Variants in ZBTB20 observed in about 807,000 individuals in gnomAD.
ZBTB20 encodes zinc finger and BTB domain-containing protein 20.
A neutral mutation model predicts 56.9 loss-of-function variants in ZBTB20; 9 were observed. That is an observed-to-expected ratio of 0.16 (90% CI 0.10 to 0.28). The LOEUF is 0.28. ZBTB20 is among the 10% of genes least tolerant of loss of function. The probability of loss-of-function intolerance (pLI) is 1.00; values close to 1 mark genes in which losing one functional copy is unlikely to be tolerated. For missense variants in ZBTB20, 655 were observed against 1,003.0 expected, an observed-to-expected ratio of 0.65 and a Z score of 4.69; for synonymous variants, 417 against 420.7, an observed-to-expected ratio of 0.99 and a Z score of 0.11.
At position 114,592,595 on chromosome 3, in the gene ZBTB20, T is replaced by G. The variant is rs185900901; in HGVS notation, c.-294-92204A>C. ...CTGAACTCAAGTATAATGGCAATCT[T>G]CCTGGGTGATCAGCCATAGAGCACC... On this transcript the variant is annotated intron_variant, in intron 6 of 11. Transcript: ENST00000675478. 3.6e-3 allele frequency among the ~76,000 whole-genome samples: 542 copies of G among 152,320 alleles called. 5 individuals carry two copies. The highest frequency in any genetic ancestry group is 0.012 in the African/African-American group (519 of 41,584).
intron 6 of ZBTB20, among the ~76,000 whole-genome samples, chr3:114,561,504 A>G (rs1315425227): frequency 6.6e-6 from 1 of 152,164 alleles, no homozygotes; most frequent in Non-Finnish European, 1.5e-5. Context: ...TGAAAACAAC[A>G]TTAGCCTCTT....
At chr3:115,135,941 G>A (rs1217145319) in intron 1 of ZBTB20, among the ~76,000 whole-genome samples, 2 of 152,054 alleles carry the variant, frequency 1.3e-5, no homozygotes, top group Admixed American at 6.6e-5. Flanking sequence ...AATCTCAATT[G>A]CAATCTATGA....
At chr3:114,516,550 T>C (rs529985649) in intron 6 of ZBTB20, among the ~76,000 whole-genome samples, 1 of 152,308 alleles carries the variant, frequency 6.6e-6, no homozygotes, top group East Asian at 1.9e-4. Flanking sequence ...TTGATTATGT[T>C]CCCTTAAAAT....
chr3:114,437,193 G>T (rs1367560350), intron 7 of ZBTB20, among the ~76,000 whole-genome samples: 1 of 152,132 alleles, frequency 6.6e-6, no homozygotes, highest in Non-Finnish European at 1.5e-5. Context: ...GGACTGAAAA[G>T]AACCCAGTCT....
At chr3:114,747,571 T>C (rs1011673705) in intron 5 of ZBTB20, among the ~76,000 whole-genome samples, 13 of 151,764 alleles carry the variant, frequency 8.6e-5, no homozygotes, top group African/African-American at 3.2e-4. Context: ...CTCAATAAAA[T>C]AAAATAAAAT....
chr3:114,571,920 A>G (rs2053480867), intron 6 of ZBTB20, among the ~76,000 whole-genome samples: 1 of 152,170 alleles, frequency 6.6e-6, no homozygotes, highest in South Asian at 2.1e-4. Context: ...CCCTGCTGCT[A>G]CACCTGTATA....
chr3:114,344,754 C>T (rs1414197234), intron 11 of ZBTB20, among the ~76,000 whole-genome samples: 2 of 152,206 alleles, frequency 1.3e-5, no homozygotes, highest in Non-Finnish European at 2.9e-5. Flanking sequence ...AGGATTAACA[C>T]ATTATCTTCA....
intron 2 of ZBTB20, among the ~76,000 whole-genome samples, chr3:114,975,413 C>A (rs1028248773): frequency 3.3e-5 from 5 of 152,158 alleles, no homozygotes; most frequent in South Asian, 2.1e-4. Flanking sequence ...TAATCTAGTA[C>A]ATCTACAGTA....
At chr3:114,660,253 C>T (rs1007716622) in intron 6 of ZBTB20, among the ~76,000 whole-genome samples, 8 of 152,118 alleles carry the variant, frequency 5.3e-5, no homozygotes, top group Non-Finnish European at 8.8e-5. Flanking sequence ...CTCAGGCTTT[C>T]GTTTCCCTCG....
intron 7 of ZBTB20, among the ~76,000 whole-genome samples, chr3:114,454,171 G>T (rs1402164015): frequency 1.5e-5 from 1 of 66,886 alleles, no homozygotes; most frequent in Non-Finnish European, 2.7e-5. Context: ...GAGGAAAAGA[G>T]AAGGGAGAGA....
intron 2 of ZBTB20, among the ~76,000 whole-genome samples, chr3:114,980,260 C>A (rs574984472): frequency 1.3e-5 from 2 of 152,038 alleles, no homozygotes; most frequent in South Asian, 4.1e-4. Flanking sequence ...AACTCAGTGA[C>A]TATAAAAAGT....
intron 1 of ZBTB20, among the ~76,000 whole-genome samples, chr3:115,137,759 T>C (rs974999273): frequency 1.2e-4 from 18 of 152,124 alleles, no homozygotes; most frequent in African/African-American, 3.9e-4. Flanking sequence ...ACAGATGTTT[T>C]CCTGTTTTTG....
intron 7 of ZBTB20, among the ~76,000 whole-genome samples, chr3:114,439,134 G>A (rs2090739168): frequency 6.6e-6 from 1 of 152,050 alleles, no homozygotes. Context: ...GGATGCCCAG[G>A]ATATCAATGT....
chr3:114,815,163 C>T (rs983356881), intron 4 of ZBTB20, among the ~76,000 whole-genome samples: 1 of 152,116 alleles, frequency 6.6e-6, no homozygotes, highest in East Asian at 1.9e-4. Flanking sequence ...ATTATTTGTA[C>T]AATAAAATAC....
chr3:114,479,200 T>A (rs2041239776), intron 7 of ZBTB20, among the ~76,000 whole-genome samples: 1 of 152,110 alleles, frequency 6.6e-6, no homozygotes, highest in Non-Finnish European at 1.5e-5. Flanking sequence ...CACTGAAACA[T>A]GATGCAAACT....
intron 6 of ZBTB20, among the ~76,000 whole-genome samples, chr3:114,646,216 C>T (rs894221047): frequency 2.0e-5 from 3 of 151,566 alleles, no homozygotes; most frequent in African/African-American, 7.3e-5. Context: ...AGGAGGTTAC[C>T]ATTGCAAACC....
At chr3:114,976,298 T>C (rs915677557) in intron 2 of ZBTB20, among the ~76,000 whole-genome samples, 1 of 152,114 alleles carries the variant, frequency 6.6e-6, no homozygotes, top group African/African-American at 2.4e-5. Flanking sequence ...ATAAGAAACC[T>C]GAATCAAGTA....
intron 1 of ZBTB20, among the ~76,000 whole-genome samples, chr3:115,091,446 ATT>A (rs1264202808): frequency 1.3e-5 from 2 of 152,034 alleles, no homozygotes; most frequent in Non-Finnish European, 2.9e-5. Context: ...ATAATAGCAA[ATT>A]TGTTGTAAAG....
intron 2 of ZBTB20, among the ~76,000 whole-genome samples, chr3:115,001,367 A>C (rs1304322466): frequency 6.6e-6 from 1 of 151,462 alleles, no homozygotes; most frequent in South Asian, 2.1e-4. Flanking sequence ...ACCACATTTA[A>C]TACACATTCC....
Sources: gnomAD v4.1 joint callset for allele counts (sites outside exome capture counted in the v4.1 genomes callset) on GRCh38, gnomAD v4.1.1 for gene constraint, MANE v1.5 for transcripts, NCBI Gene and HGNC (gene_info 2026-07-23, HGNC 2026-07-21) for gene names.